The following PRELID2 variants were observed in gnomAD, a reference collection of about 807,000 sequenced individuals.
PRELID2 encodes the protein PRELI domain-containing protein 2.
Under a neutral mutation model 28.4 loss-of-function variants are expected in PRELID2, and 25 were observed. That is an observed-to-expected ratio of 0.88 (90% CI 0.64 to 1.23). The LOEUF (loss-of-function observed/expected upper bound fraction) is 1.23, where lower values mean the gene tolerates loss of function less well. Ranked by LOEUF, PRELID2 falls within the 50% of genes most tolerant of loss-of-function variation. PRELID2 has a pLI of 0.00. For synonymous variants in PRELID2, 76 were observed against 71.6 expected (o/e 1.06, Z -0.31); for missense variants, 201 against 214.4 (o/e 0.94, Z 0.39).
intron 4 of PRELID2, among the ~76,000 whole-genome samples, chr5:145,801,418 C>CATATAAGGATG (rs1753132969): frequency 6.6e-6 from 1 of 152,140 alleles, no homozygotes; most frequent in South Asian, 2.1e-4. Context: ...ATCCTCAAGA[C>CATATAAGGATG]ATATAAGGAT....
the PRELID2 span, among the ~76,000 whole-genome samples, chr5:145,339,476 G>A: frequency 6.6e-6 from 1 of 152,162 alleles, no homozygotes; most frequent in East Asian, 1.9e-4. Context: ...GCTGCCTAGA[G>A]GTTGCACAGA....
the PRELID2 span, among the ~76,000 whole-genome samples, chr5:145,403,413 A>G: frequency 6.6e-6 from 1 of 152,248 alleles, no homozygotes; most frequent in Non-Finnish European, 1.5e-5. Context: ...AAAATTGTAA[A>G]AGAAGACGGG....
the PRELID2 span, among the ~76,000 whole-genome samples, chr5:145,457,764 GTCT>G: frequency 6.6e-6 from 1 of 152,166 alleles, no homozygotes; most frequent in Non-Finnish European, 1.5e-5. Flanking sequence ...GTGGACAAAA[GTCT>G]TCTGGTTCTG....
chr5:145,507,050 C>T (rs1296247322), intron 1 of PRELID2, among the ~76,000 whole-genome samples: 1 of 152,146 alleles, frequency 6.6e-6, no homozygotes, highest in Non-Finnish European at 1.5e-5. Context: ...ATTTAAACTG[C>T]AACTAGAGCA....
In PRELID2 at chr5:145,751,008, C is replaced by A. The variant is rs561771343; in HGVS notation, n.70+13923G>T. Among the ~76,000 whole-genome samples, 3 of 152,248 alleles carry A rather than the reference C, an allele frequency of 2.0e-5. No individual in the cohort carries two copies. In the South Asian group the frequency reaches 6.2e-4, roughly 32 times the overall value. The stretch of plus-strand genomic sequence containing the variant: ...TATAGAGGTATATCTGAACTGCCTC[C>A]ATTTAGGAAAAACTGGTATGTTACA... On this transcript the variant is annotated intron_variant and non_coding_transcript_variant, in intron 1 of 2. Transcript: ENST00000510259.
rs564268942 is a variant in PRELID2, at chr5:145,682,778, G to A, written n.70+82153C>T. On this transcript the variant is annotated intron_variant and non_coding_transcript_variant, in intron 1 of 2. Transcript: ENST00000510259. ...GGTATAAATTAAAGAGCCCAGCAGCGGTTCCTGTTACTTGCCAATGACCAT... is the reference window on the plus strand; with the variant it reads ...GGTATAAATTAAAGAGCCCAGCAGCAGTTCCTGTTACTTGCCAATGACCAT... Among the ~76,000 whole-genome samples, 20 of 152,244 alleles carry A rather than the reference G, an allele frequency of 1.3e-4. No homozygotes were observed. In the South Asian group the frequency reaches 2.3e-3, roughly 17 times the overall value.
rs551433728 is a variant in PRELID2, at chr5:145,800,345, C to T, written c.369-3798G>A. On this transcript the variant is annotated intron_variant, in intron 4 of 6. Transcript: ENST00000683046. ...ACACACACACACACACGAGTTATCC[C>T]ATCCACTCTGACATAAATACCTTCC... 3.9e-3 allele frequency among the ~76,000 whole-genome samples: 588 copies of T among 150,734 alleles called. 1 individual carries two copies. Among genetic ancestry groups the T allele is most frequent in the Non-Finnish European group, 5.4e-3 (367 of 67,624 alleles).
chr5:145,550,888 T>C (rs1413694101), intron 1 of PRELID2, among the ~76,000 whole-genome samples: 1 of 152,142 alleles, frequency 6.6e-6, no homozygotes. Context: ...GCTCTTGGGG[T>C]TGCTATTTAT....
intron 1 of PRELID2, among the ~76,000 whole-genome samples, chr5:145,661,373 T>A (rs369659968): frequency 1.3e-5 from 2 of 152,106 alleles, no homozygotes; most frequent in Non-Finnish European, 2.9e-5. Context: ...CTGTGCGGCA[T>A]TGCATGACCC....
the PRELID2 span, among the ~76,000 whole-genome samples, chr5:145,402,539 G>A: frequency 6.6e-6 from 1 of 152,176 alleles, no homozygotes; most frequent in Admixed American, 6.5e-5. Context: ...AATCTGTGCT[G>A]TAGAGCAGGT....
intron 1 of PRELID2, among the ~76,000 whole-genome samples, chr5:145,708,784 T>C (rs1041532437): frequency 6.6e-6 from 1 of 152,070 alleles, no homozygotes; most frequent in African/African-American, 2.4e-5. Context: ...CCAAACAAAA[T>C]AGAAAAATAA....
chr5:145,384,200 T>C, the PRELID2 span, among the ~76,000 whole-genome samples: 4 of 152,140 alleles, frequency 2.6e-5, no homozygotes. Context: ...CATTTCATAC[T>C]TCGCTAAAGA....
the PRELID2 span, among the ~76,000 whole-genome samples, chr5:145,272,890 C>A: frequency 6.6e-6 from 1 of 152,082 alleles, no homozygotes; most frequent in African/African-American, 2.4e-5. Flanking sequence ...TGGAAAGCTT[C>A]TCAGTAGGGA....
the PRELID2 span, among the ~76,000 whole-genome samples, chr5:145,295,544 A>G: frequency 2.0e-5 from 3 of 152,162 alleles, no homozygotes; most frequent in Non-Finnish European, 4.4e-5. Flanking sequence ...TATAGTACAG[A>G]ACACAAGGCA....
intron 1 of PRELID2, among the ~76,000 whole-genome samples, chr5:145,655,610 T>A (rs1337077107): frequency 6.6e-6 from 1 of 152,124 alleles, no homozygotes; most frequent in African/African-American, 2.4e-5. Context: ...TCTACAACCA[T>A]CTGATCTTTG....
intron 1 of PRELID2, among the ~76,000 whole-genome samples, chr5:145,659,588 G>A (rs1401203164): frequency 1.3e-5 from 2 of 152,156 alleles, no homozygotes; most frequent in Non-Finnish European, 2.9e-5. Context: ...TGGGATGTGG[G>A]GAAGGCATGG....
At chr5:145,344,080 AAAG>A in the PRELID2 span, among the ~76,000 whole-genome samples, 3 of 152,140 alleles carry the variant, frequency 2.0e-5, no homozygotes, top group Admixed American at 6.6e-5. Flanking sequence ...CCAAACATAC[AAAG>A]AAGAACTAAT....
chr5:145,828,728 C>T (rs1755371491), intron 1 of PRELID2, among the ~76,000 whole-genome samples: 1 of 151,924 alleles, frequency 6.6e-6, no homozygotes, highest in Non-Finnish European at 1.5e-5. Context: ...CTGCCATATG[C>T]CCCCAAGAAA....
At chr5:145,343,473 G>GA in the PRELID2 span, among the ~76,000 whole-genome samples, 37 of 147,136 alleles carry the variant, frequency 2.5e-4, no homozygotes, top group Middle Eastern at 0.014. Context: ...TAAAACAAAT[G>GA]AAAAAAAAAC....
Sources: gnomAD v4.1 joint callset for allele counts (sites outside exome capture counted in the v4.1 genomes callset) on GRCh38, gnomAD v4.1.1 for gene constraint, MANE v1.5 for transcripts, NCBI Gene and HGNC (gene_info 2026-07-23, HGNC 2026-07-21) for gene names.